HSP90AA1: variants seen among roughly 807,000 people sequenced by gnomAD.
HSP90AA1 encodes the protein heat shock protein HSP 90-alpha.
In HSP90AA1, 18 loss-of-function variants were observed where a neutral mutation model predicts 73.3. That is an observed-to-expected ratio of 0.25 (90% CI 0.17 to 0.36). The LOEUF (loss-of-function observed/expected upper bound fraction) is 0.36, where lower values mean the gene tolerates loss of function less well. Among genes scored for constraint, HSP90AA1 ranks in the 10% least tolerant of loss-of-function variants. HSP90AA1 has a pLI of 1.00. For missense variants in HSP90AA1, 704 were observed against 874.2 expected (o/e 0.81, Z 2.45); for synonymous variants, 477 against 296.9 (o/e 1.61, Z -6.24).
chr14:102,086,739 G>C (rs1423060330), intron 1 of HSP90AA1, among the ~76,000 whole-genome samples: 1 of 151,382 alleles, frequency 6.6e-6, no homozygotes, highest in African/African-American at 2.4e-5. Context: ...CTCTGTTCGC[G>C]TGCGGCGCCA....
upstream of HSP90AA1, among the ~76,000 whole-genome samples, chr14:102,090,965 C>G (rs1230466464): frequency 6.6e-6 from 1 of 152,170 alleles, no homozygotes; most frequent in Non-Finnish European, 1.5e-5. Flanking sequence ...CCTGTGTGAC[C>G]CAGGGCAAGT....
At chr14:102,089,705 C>T (rs574881328), upstream of HSP90AA1, among the ~76,000 whole-genome samples, 12 of 152,292 alleles carry the variant, frequency 7.9e-5, no homozygotes, top group Admixed American at 4.6e-4. Flanking sequence ...TCCCCCCTGT[C>T]TCCAGCCCTC....
chr14:102,093,072 T>C (rs1158285684), intron 2 of HSP90AA1, among the ~76,000 whole-genome samples: 2 of 152,052 alleles, frequency 1.3e-5, no homozygotes, highest in African/African-American at 4.8e-5. Context: ...AATCAATGTT[T>C]AGCAAACCTT....
Position 102,083,187 on chromosome 14 carries a change from C to T in HSP90AA1, c.1602G>A (p.Lys534=). ...PIDEYCVQQL[K]EFEGKTLVSV... is the part of the protein sequence containing the mutation. ...ACACTAAAGTCTTCCCCTCAAATTC[C>T]TTCAGCTGTTGGACACAGTACTCAT... Residue 534 remains lysine (K), a synonymous_variant, in exon 9 of 11, where the codon AAG becomes AAA. Coordinates refer to ENST00000216281, the MANE Select transcript of HSP90AA1 (RefSeq NM_005348.4). 3 of 1,614,034 alleles carry T rather than the reference C, an allele frequency of 1.9e-6. No homozygotes were observed. Among genetic ancestry groups the T allele is most frequent in the Non-Finnish European group, 2.5e-6 (3 of 1,179,950 alleles).
chr14:102,108,532 T>C (rs1229225580), intron 1 of HSP90AA1, among the ~76,000 whole-genome samples: 2 of 120,560 alleles, frequency 1.7e-5, no homozygotes, highest in Non-Finnish European at 1.8e-5. Context: ...AACTTATAAC[T>C]TTTTTTTTTT....
intron 1 of HSP90AA1, among the ~76,000 whole-genome samples, chr14:102,105,637 G>T (rs1174186449): frequency 1.8e-4 from 27 of 152,198 alleles, no homozygotes; most frequent in Admixed American, 1.8e-3. Flanking sequence ...CATCTGCAAG[G>T]TGTGGGCTTG....
At chr14:102,097,719 T>C (rs183438040) in intron 2 of HSP90AA1, among the ~76,000 whole-genome samples, 1 of 152,134 alleles carries the variant, frequency 6.6e-6, no homozygotes, top group Admixed American at 6.5e-5. Context: ...GGGGAGCTGA[T>C]AGTTCCTTTG....
exon 1 of HSP90AA1, chr14:102,139,572 G>A (rs1417927840): frequency 2.7e-6 from 2 of 750,992 alleles, no homozygotes; most frequent in Non-Finnish European, 2.1e-6. Context: ...CCCCGCCGCG[G>A]TTCCCCCTGA....
At chr14:102,087,130 G>A, upstream of HSP90AA1, 1 of 984,242 alleles carries the variant, frequency 1.0e-6, no homozygotes. Flanking sequence ...GAACCTTCCG[G>A]AAGAACCCTC....
intron 1 of HSP90AA1, among the ~76,000 whole-genome samples, chr14:102,134,974 T>G (rs1404801652): frequency 6.6e-6 from 1 of 151,900 alleles, no homozygotes; most frequent in African/African-American, 2.4e-5. Context: ...CATACAAAGG[T>G]TCTCCACGTC....
chr14:102,087,235 TGGCCC>T, upstream of HSP90AA1: 1 of 882,344 alleles, frequency 1.1e-6, no homozygotes, highest in Non-Finnish European at 1.4e-6. Flanking sequence ...GCCCTGCTCG[TGGCCC>T]GGCCCGGGCA....
intron 8 of HSP90AA1, 100 bp downstream of exon 8, chr14:102,083,446 A>C: frequency 2.1e-6 from 3 of 1,419,964 alleles, no homozygotes; most frequent in Non-Finnish European, 3.0e-6. Flanking sequence ...TGCCTAGATC[A>C]ATACCAGTTG....
rs200977228 is a variant in HSP90AA1, at chr14:102,085,285, C to T, written c.663+13G>A. 9.1e-5 allele frequency: 146 copies of T among 1,609,162 alleles called. 3 individuals are homozygous for T. In the South Asian group the frequency reaches 1.5e-3, roughly 16 times the overall value. On this transcript the variant is annotated intron_variant, in intron 4 of 10. Coordinates refer to ENST00000216281, the MANE Select transcript of HSP90AA1 (RefSeq NM_005348.4). Reference sequence around the variant, plus strand: ...CAGACAGAAATTCACTCTGCAATTACATAAAAACTTACAAAAAGAGTAATG... The same window carrying T: ...CAGACAGAAATTCACTCTGCAATTATATAAAAACTTACAAAAAGAGTAATG...
At chr14:102,082,623 G>A (rs969356600) in intron 9 of HSP90AA1, 179 bp from the exon 10 acceptor site, 7 of 631,522 alleles carry the variant, frequency 1.1e-5, no homozygotes, top group Non-Finnish European at 1.9e-5. Context: ...TGTTTTACAT[G>A]CACAATTTTT....
In HSP90AA1 at chr14:102,113,340, TTCTC is replaced by T. The variant is rs763909632; in HGVS notation, c.156-11259_156-11256del. 1.2e-4 allele frequency among the ~76,000 whole-genome samples: 18 copies of T among 150,538 alleles called. No individual in the cohort carries two copies. In the East Asian group the frequency reaches 1.4e-3, roughly 11 times the overall value. ...CGCCCGGCTTGCTTGCTTGCTTGCTTTCTCTCTCTCTCTCTCTTTCTTTCTTTAA... is the reference window on the plus strand; with the variant it reads ...CGCCCGGCTTGCTTGCTTGCTTGCTTTCTCTCTCTCTCTTTCTTTCTTTAA... On this transcript the variant is annotated intron_variant, in intron 1 of 11. Transcript: ENST00000334701.
In HSP90AA1 at chr14:102,084,870, A is replaced by G; in HGVS notation, c.792T>C (p.Asp264=). The G allele has an allele frequency of 2.6e-6, 4 of 1,565,748 alleles. No homozygotes were observed. Among genetic ancestry groups the G allele is most frequent in the Non-Finnish European group, 3.5e-6 (4 of 1,136,638 alleles). Residue 264 remains aspartate, a synonymous_variant, in exon 5 of 11, where the codon GAT becomes GAC. Transcript: ENST00000216281. ...CACCATCCTTCTTTTCTTCTTCCTC[A>G]TCAGAACCAACATCTTCAATTTCAG... ...DKPEIEDVGS[D]EEEEKKDGDK...
chr14:102,097,345 T>C (rs1016518521), intron 2 of HSP90AA1, among the ~76,000 whole-genome samples: 2 of 150,712 alleles, frequency 1.3e-5, no homozygotes, highest in Admixed American at 1.3e-4. Flanking sequence ...AAGGAAAATT[T>C]GAAGCAAGCT....
chr14:102,105,352 G>T (rs1324423244), intron 1 of HSP90AA1, among the ~76,000 whole-genome samples: 1 of 152,092 alleles, frequency 6.6e-6, no homozygotes, highest in East Asian at 1.9e-4. Context: ...ACAGATGCAA[G>T]AACATGTACT....
At chr14:102,094,643 A>G (rs2049400861) in intron 2 of HSP90AA1, among the ~76,000 whole-genome samples, 1 of 150,424 alleles carries the variant, frequency 6.6e-6, no homozygotes, top group South Asian at 2.1e-4. Context: ...AGAAGGCAAG[A>G]ATTAAAAAGA....
Sources: gnomAD v4.1 joint callset for allele counts (sites outside exome capture counted in the v4.1 genomes callset) on GRCh38, gnomAD v4.1.1 for gene constraint, MANE v1.5 for transcripts, NCBI Gene and HGNC (gene_info 2026-07-23, HGNC 2026-07-21) for gene names.